The following TENT2 variants were observed in gnomAD, a reference collection of about 807,000 sequenced individuals.
TENT2 encodes the protein poly(A) RNA polymerase GLD2.
A neutral mutation model predicts 72.2 loss-of-function variants in TENT2; 44 were observed. That is an observed-to-expected ratio of 0.61 (90% CI 0.48 to 0.78). The LOEUF (loss-of-function observed/expected upper bound fraction) is 0.78, where lower values mean the gene tolerates loss of function less well. Among genes scored for constraint, TENT2 ranks in the 30% least tolerant of loss-of-function variants. TENT2 has a pLI of 0.00. For missense variants in TENT2, 541 were observed against 569.6 expected (o/e 0.95, Z 0.51); for synonymous variants, 212 against 192.5 (o/e 1.10, Z -0.84).
intron 8 of TENT2, among the ~76,000 whole-genome samples, chr5:79,647,637 A>C (rs1448881486): frequency 6.6e-6 from 1 of 152,210 alleles, no homozygotes; most frequent in Admixed American, 6.5e-5. Flanking sequence ...GTAGATTTCA[A>C]ATTTTATACT....
At position 79,662,905 on chromosome 5, in the gene TENT2, C is replaced by T. The variant is rs550043750; in HGVS notation, c.1071+5904C>T. Among the ~76,000 whole-genome samples, 73 of 152,248 alleles carry T rather than the reference C, an allele frequency of 4.8e-4. 1 individual carries two copies. In the South Asian group the frequency reaches 0.014, roughly 30 times the overall value. On this transcript the variant is annotated intron_variant, in intron 11 of 14. Transcript: ENST00000453514. ...CTGTGAAGGTTCTAGATAGCATCTT[C>T]GAATAGAAGCCTGTTTCATTTACAC...
Position 79,648,808 on chromosome 5 carries a change from T to C in TENT2, c.898+115T>C, listed in dbSNP as rs569826497. The C allele has an allele frequency of 1.6e-3, 1,376 of 865,492 alleles. 2 individuals carry two copies. The highest frequency in any genetic ancestry group is 2.1e-3 in the Non-Finnish European group (1,186 of 565,144). The allele number at this position is 865,492 out of a possible 1,614,324, so 53.6% of individuals were successfully genotyped here. A position where few individuals can be genotyped will look rare whatever the true frequency, so the allele number is the denominator to read the frequency against. ...TTGTGTTTAAGTATAGTGTATCTTATTTTATTTGTATATGTTGCTACACTA... is the reference window on the plus strand; with the variant it reads ...TTGTGTTTAAGTATAGTGTATCTTACTTTATTTGTATATGTTGCTACACTA... On this transcript the variant is annotated intron_variant, in intron 9 of 14. Coordinates refer to ENST00000453514, the MANE Select transcript of TENT2 (RefSeq NM_001114394.3).
At chr5:79,671,523 G>A (rs994538008) in intron 12 of TENT2, among the ~76,000 whole-genome samples, 2 of 151,562 alleles carry the variant, frequency 1.3e-5, no homozygotes, top group African/African-American at 4.9e-5. Flanking sequence ...TCCTGCCTCA[G>A]CCTCCTGAGT....
intron 4 of TENT2, among the ~76,000 whole-genome samples, chr5:79,633,721 GTTTTTTT>G (rs10565563): frequency 3.8e-5 from 5 of 130,288 alleles, no homozygotes; most frequent in African/African-American, 1.1e-4. Flanking sequence ...AGGCTAAAAA[GTTTTTTT>G]TTTTTTTTTT....
chr5:79,635,058 G>A (rs140614391), intron 4 of TENT2, among the ~76,000 whole-genome samples: 277 of 152,228 alleles, frequency 1.8e-3, no homozygotes, highest in African/African-American at 6.5e-3. Flanking sequence ...GTGCCATTAT[G>A]CATGGTCAGC....
chr5:79,634,575 G>A (rs1398320010), intron 4 of TENT2, among the ~76,000 whole-genome samples: 1 of 152,110 alleles, frequency 6.6e-6, no homozygotes, highest in Admixed American at 6.5e-5. Context: ...CTGACCTCAA[G>A]TGATCTGCCC....
intron 11 of TENT2, 120 bp from the exon 12 acceptor site, chr5:79,668,772 T>G: frequency 8.2e-7 from 1 of 1,215,710 alleles, no homozygotes; most frequent in Non-Finnish European, 1.1e-6. Context: ...GTTTCCAAAT[T>G]GCCAAATAGA....
chr5:79,680,772 A>G lies in TENT2; in HGVS notation c.1300+1102A>G, dbSNP rs150973839. The stretch of plus-strand genomic sequence containing the variant: ...TGAAAAATACTCTTTATTTGGTCCT[A>G]CTGGTTCTTCTGTGCATTTTTCCTC... On this transcript the variant is annotated intron_variant, in intron 13 of 14. Transcript: ENST00000453514. Among the ~76,000 whole-genome samples the G allele has an allele frequency of 4.9e-3, 753 of 152,210 alleles. 4 individuals carry two copies. The highest frequency in any genetic ancestry group is 0.011 in the South Asian group (55 of 4,818).
chr5:79,669,122 C>T (rs1425235210), intron 12 of TENT2, 94 bp downstream of exon 12: 1 of 1,388,932 alleles, frequency 7.2e-7, no homozygotes, highest in Non-Finnish European at 9.7e-7. Context: ...GTAAATGCTA[C>T]AGATTTAGTC....
At chr5:79,660,580 A>AAC (rs1272378936) in intron 11 of TENT2, among the ~76,000 whole-genome samples, 1 of 152,192 alleles carries the variant, frequency 6.6e-6, no homozygotes, top group African/African-American at 2.4e-5. Context: ...AATGTTAAAA[A>AAC]ACACCTTAAA....
At chr5:79,680,595 A>G (rs1163597135) in intron 13 of TENT2, among the ~76,000 whole-genome samples, 1 of 152,004 alleles carries the variant, frequency 6.6e-6, no homozygotes, top group Non-Finnish European at 1.5e-5. Flanking sequence ...TGACAAATCT[A>G]AAAGTTTTGA....
At chr5:79,679,062 C>T (rs916630801) in intron 12 of TENT2, among the ~76,000 whole-genome samples, 13 of 152,092 alleles carry the variant, frequency 8.5e-5, no homozygotes, top group Non-Finnish European at 1.3e-4. Context: ...CACGCTACTG[C>T]GCCTGGCTAA....
At position 79,619,786 on chromosome 5, in the gene TENT2, G is replaced by A. The variant is rs777200096; in HGVS notation, c.137+1G>A. 6.2e-7 allele frequency: 1 copy of A among 1,609,852 alleles called. No individual in the cohort carries two copies. Among genetic ancestry groups the A allele is most frequent in the Admixed American group, 1.7e-5 (1 of 59,208 alleles). On this transcript the variant is annotated splice_donor_variant, in intron 2 of 14. Coordinates refer to ENST00000453514, the MANE Select transcript of TENT2 (RefSeq NM_001114394.3). LOFTEE classifies it high-confidence loss of function. ...CACAATTCAACTTTCAGAATGCAGA[G>A]TGAGTATGGTGATATTTTGGCCCAT...
intron 10 of TENT2, among the ~76,000 whole-genome samples, chr5:79,651,831 A>G (rs963909594): frequency 7.9e-5 from 12 of 151,976 alleles, no homozygotes; most frequent in South Asian, 2.1e-4. Context: ...TAGTGTGTCA[A>G]CCTTGTCCGT....
chr5:79,665,172 T>C (rs1806456889), intron 11 of TENT2, among the ~76,000 whole-genome samples: 1 of 152,218 alleles, frequency 6.6e-6, no homozygotes, highest in African/African-American at 2.4e-5. Context: ...AAGTATTCCC[T>C]ATCAGTTTTT....
intron 4 of TENT2, among the ~76,000 whole-genome samples, chr5:79,639,776 C>A (rs1782942124): frequency 6.6e-6 from 1 of 152,084 alleles, no homozygotes; most frequent in South Asian, 2.1e-4. Context: ...AATTTCAGAG[C>A]TAGAGCAGTT....
chr5:79,641,158 A>G lies in TENT2; in HGVS notation c.634A>G (p.Ser212Gly). Reference protein sequence around the residue: ...SSLNGFGTRSSDGDLCLVVKE... With the variant: ...SSLNGFGTRSGDGDLCLVVKE... The stretch of plus-strand genomic sequence containing the variant: ...TTTAAATGGATTTGGTACCCGGAGC[A>G]GTGATGGTGATTTATGCCTAGTTGT... The change falls in exon 6 of 15, where the codon AGT (serine) becomes GGT (glycine). Residue 212 changes from serine (S) to glycine (G), a missense_variant. Physicochemically the swap from Ser to Gly is moderately conservative, Grantham distance 56. Transcript: ENST00000453514. 6.3e-7 allele frequency: 1 copy of G among 1,579,626 alleles called. No homozygotes were observed. Among genetic ancestry groups the G allele is most frequent in the South Asian group, 1.2e-5 (1 of 83,988 alleles).
At chr5:79,661,803 C>T (rs569239174) in intron 11 of TENT2, among the ~76,000 whole-genome samples, 1 of 152,062 alleles carries the variant, frequency 6.6e-6, no homozygotes, top group Non-Finnish European at 1.5e-5. Flanking sequence ...GTAAAGTTTG[C>T]CACATTGATT....
At chr5:79,659,593 T>TATATATATATAA (rs1348206904) in intron 11 of TENT2, among the ~76,000 whole-genome samples, 8 of 121,872 alleles carry the variant, frequency 6.6e-5, no homozygotes, top group Admixed American at 5.2e-4. Context: ...TATATATATA[T>TATATATATATAA]AATAGCCATC....
Sources: gnomAD v4.1 joint callset for allele counts (sites outside exome capture counted in the v4.1 genomes callset) on GRCh38, gnomAD v4.1.1 for gene constraint, MANE v1.5 for transcripts, NCBI Gene and HGNC (gene_info 2026-07-23, HGNC 2026-07-21) for gene names.